The following SPOCK1 variants were observed in gnomAD, a reference collection of about 807,000 sequenced individuals.
SPOCK1 encodes testican-1.
SPOCK1 carries 23 observed loss-of-function variants against 55.3 expected under a neutral mutation model. That is an observed-to-expected ratio of 0.42 (90% CI 0.30 to 0.59). SPOCK1 has a LOEUF of 0.59. Among genes scored for constraint, SPOCK1 ranks in the 20% least tolerant of loss-of-function variants. The pLI, the probability that SPOCK1 is intolerant of heterozygous loss-of-function variation, is 0.22. For synonymous variants in SPOCK1, 226 were observed against 221.0 expected, an observed-to-expected ratio of 1.02 and a Z score of -0.20; for missense variants, 499 against 552.5, an observed-to-expected ratio of 0.90 and a Z score of 0.97.
At chr5:137,483,685 T>C (rs1753995217) in intron 2 of SPOCK1, among the ~76,000 whole-genome samples, 2 of 152,214 alleles carry the variant, frequency 1.3e-5, no homozygotes, top group African/African-American at 2.4e-5. Context: ...CTGTTCATTG[T>C]AGGCTGTTTA....
intron 5 of SPOCK1, among the ~76,000 whole-genome samples, chr5:137,082,676 G>A (rs532661606): frequency 1.5e-3 from 224 of 152,336 alleles, no homozygotes; most frequent in African/African-American, 5.2e-3. Flanking sequence ...CATCCTGGCT[G>A]TATGCTTGGG....
At chr5:137,285,721 C>G (rs1051606319) in intron 2 of SPOCK1, among the ~76,000 whole-genome samples, 1 of 152,128 alleles carries the variant, frequency 6.6e-6, no homozygotes, top group Non-Finnish European at 1.5e-5. Context: ...CTCGCCTTGG[C>G]CTTTGTGTCT....
At chr5:137,028,302 T>C (rs1028240534) in intron 6 of SPOCK1, among the ~76,000 whole-genome samples, 5 of 152,172 alleles carry the variant, frequency 3.3e-5, no homozygotes, top group Admixed American at 6.5e-5. Flanking sequence ...AAATGCTGTG[T>C]CCCAGAGGAA....
chr5:137,400,456 T>C (rs1330731950), intron 2 of SPOCK1, among the ~76,000 whole-genome samples: 1 of 152,176 alleles, frequency 6.6e-6, no homozygotes, highest in South Asian at 2.1e-4. Context: ...ACGTAGAGTC[T>C]CTACCCACAT....
intron 2 of SPOCK1, among the ~76,000 whole-genome samples, chr5:137,493,563 C>T (rs1008307627): frequency 1.3e-5 from 2 of 152,214 alleles, no homozygotes; most frequent in Non-Finnish European, 2.9e-5. Flanking sequence ...CAAGAAGGCT[C>T]TTAGGCCTAT....
At chr5:137,275,086 T>C (rs1323497187) in intron 2 of SPOCK1, among the ~76,000 whole-genome samples, 3 of 152,242 alleles carry the variant, frequency 2.0e-5, no homozygotes, top group Non-Finnish European at 4.4e-5. Context: ...TTAATTTACA[T>C]GTAGAAAACA....
At chr5:137,335,734 G>GGA (rs1393298202) in intron 2 of SPOCK1, among the ~76,000 whole-genome samples, 3 of 152,206 alleles carry the variant, frequency 2.0e-5, no homozygotes, top group Non-Finnish European at 4.4e-5. Flanking sequence ...CTTGCACAGG[G>GGA]AAAGCAAACG....
intron 5 of SPOCK1, among the ~76,000 whole-genome samples, chr5:137,094,777 A>T (rs913011396): frequency 6.6e-6 from 1 of 152,208 alleles, no homozygotes; most frequent in African/African-American, 2.4e-5. Flanking sequence ...TCTCAGTAGC[A>T]ATGTGATGCT....
chr5:137,175,422 TA>T (rs1443340783), intron 3 of SPOCK1, among the ~76,000 whole-genome samples: 4 of 152,172 alleles, frequency 2.6e-5, no homozygotes, highest in African/African-American at 9.7e-5. Context: ...TTAAGCTGCT[TA>T]GGGGCAAAGC....
chr5:137,416,541 A>C (rs1374491800), intron 2 of SPOCK1, among the ~76,000 whole-genome samples: 1 of 152,144 alleles, frequency 6.6e-6, no homozygotes, highest in African/African-American at 2.4e-5. Context: ...CTCCTCAAAA[A>C]TAATAACGGA....
intron 5 of SPOCK1, among the ~76,000 whole-genome samples, chr5:137,082,831 G>A (rs191914933): frequency 3.0e-4 from 45 of 152,204 alleles, no homozygotes; most frequent in Middle Eastern, 3.4e-3. Context: ...CTTCTCTTCC[G>A]CTGATTTCAA....
At chr5:137,109,119 G>A (rs191998727) in intron 5 of SPOCK1, among the ~76,000 whole-genome samples, 7 of 152,280 alleles carry the variant, frequency 4.6e-5, no homozygotes, top group African/African-American at 9.6e-5. Flanking sequence ...TGTACAATAC[G>A]CCACTTGCCC....
At chr5:137,419,039 A>C (rs1369567394) in intron 2 of SPOCK1, among the ~76,000 whole-genome samples, 1 of 152,146 alleles carries the variant, frequency 6.6e-6, no homozygotes, top group Non-Finnish European at 1.5e-5. Flanking sequence ...TTTTCCCAGC[A>C]CCATTTATTA....
At chr5:137,375,997 A>T (rs114162033) in intron 2 of SPOCK1, among the ~76,000 whole-genome samples, 44 of 152,336 alleles carry the variant, frequency 2.9e-4, no homozygotes, top group African/African-American at 1.0e-3. Context: ...AGGCACCATG[A>T]GAAACTCAAA....
At chr5:137,498,770 G>T (rs1367566233) in intron 1 of SPOCK1, among the ~76,000 whole-genome samples, 1 of 152,184 alleles carries the variant, frequency 6.6e-6, no homozygotes, top group Non-Finnish European at 1.5e-5. Context: ...GCTGCGTCAC[G>T]AATCCGAGGC....
intron 3 of SPOCK1, among the ~76,000 whole-genome samples, chr5:137,218,257 G>A (rs1312189277): frequency 6.6e-6 from 1 of 152,188 alleles, no homozygotes; most frequent in South Asian, 2.1e-4. Context: ...TTGACTTTCG[G>A]TCTAATGGGT....
At chr5:137,136,689 A>G (rs1753991597) in intron 4 of SPOCK1, among the ~76,000 whole-genome samples, 1 of 152,192 alleles carries the variant, frequency 6.6e-6, no homozygotes, top group South Asian at 2.1e-4. Context: ...ACACCAAACT[A>G]AATTAAAAAT....
chr5:137,343,445 C>T (rs1278254787), intron 2 of SPOCK1, among the ~76,000 whole-genome samples: 1 of 152,192 alleles, frequency 6.6e-6, no homozygotes, highest in East Asian at 1.9e-4. Flanking sequence ...TCCCATTCAA[C>T]AGTGGAAGAA....
intron 2 of SPOCK1, among the ~76,000 whole-genome samples, chr5:137,339,309 T>C (rs1399871391): frequency 6.6e-6 from 1 of 152,248 alleles, no homozygotes; most frequent in Non-Finnish European, 1.5e-5. Flanking sequence ...GCACTGCATT[T>C]TCCTGGCCAA....
Sources: allele counts gnomAD v4.1 joint callset (sites outside exome capture counted in the v4.1 genomes callset), GRCh38; gene constraint gnomAD v4.1.1; transcripts MANE v1.5; gene names NCBI Gene and HGNC (gene_info 2026-07-23, HGNC 2026-07-21).